The following NACC1 variants were observed in gnomAD, a reference collection of about 807,000 sequenced individuals.
The protein encoded by NACC1 is nucleus accumbens-associated protein 1.
A neutral mutation model predicts 41.7 loss-of-function variants in NACC1; 6 were observed. The ratio of observed to expected loss-of-function variants is 0.14; its 90% confidence interval spans 0.08 to 0.28. The LOEUF (loss-of-function observed/expected upper bound fraction) is 0.28. Ranked by LOEUF, NACC1 falls within the 10% of genes least tolerant of loss-of-function variation. NACC1 has a pLI of 1.00. For synonymous variants in NACC1, 338 were observed against 330.6 expected (o/e 1.02, Z -0.24); for missense variants, 434 against 763.7 (o/e 0.57, Z 5.09).
intron 1 of NACC1, among the ~76,000 whole-genome samples, chr19:13,122,855 G>T (rs1382199300): frequency 6.6e-6 from 1 of 152,172 alleles, no homozygotes; most frequent in East Asian, 1.9e-4. Context: ...GGGGCCAGGG[G>T]ATACGACTAA....
chr19:13,119,232 G>GC (rs1347258439), intron 1 of NACC1, among the ~76,000 whole-genome samples: 6 of 151,980 alleles, frequency 3.9e-5, no homozygotes, highest in South Asian at 4.2e-4. Flanking sequence ...ACTAAGATGC[G>GC]CCCCCCACCG....
intron 1 of NACC1, among the ~76,000 whole-genome samples, chr19:13,119,723 C>T (rs1217499686): frequency 1.3e-5 from 2 of 152,194 alleles, no homozygotes; most frequent in Non-Finnish European, 2.9e-5. Flanking sequence ...GGGGTGAAGG[C>T]AGGGCACAGA....
rs947019220 is a variant in NACC1 at position 13,118,433 on chromosome 19, C to G, written c.-30C>G. On this transcript the variant is annotated 5_prime_UTR_variant, in exon 1 of 6. Coordinates refer to ENST00000292431, the MANE Select transcript of NACC1 (RefSeq NM_052876.4). ...CCGCTGCGGAGCCCGCCGGGACCCC[C>G]CGGAGCGCGGCCACGGCGCAGGTGA... 1 of 149,476 alleles carries G rather than the reference C, an allele frequency of 6.7e-6. No individual in the cohort carries two copies. Among genetic ancestry groups the G allele is most frequent in the African/African-American group, 2.4e-5 (1 of 41,114 alleles). The allele number at this position is 149,476 out of a possible 1,614,324, so 9.3% of individuals were successfully genotyped here.
rs768764015 is a variant in NACC1, at chr19:13,138,142, C to T, written c.1325-5C>T. 4 of 1,613,032 alleles carry T rather than the reference C, an allele frequency of 2.5e-6. No individual in the cohort carries two copies. The highest frequency in any genetic ancestry group is 3.4e-6 in the Non-Finnish European group (4 of 1,179,126). On this transcript the variant is annotated splice_polypyrimidine_tract_variant and splice_region_variant and intron_variant, in intron 5 of 5. Coordinates refer to ENST00000292431, the MANE Select transcript of NACC1 (RefSeq NM_052876.4). This position sits in a 1 kb window ranked among gnomAD's most constrained non-coding sequence, Gnocchi z 5.7. Reference sequence around the variant, plus strand: ...TGCCAAGGCCGCACCCACCCTGCCCCACAGACTACTGCCAGAACTTCGCCC... The same window carrying T: ...TGCCAAGGCCGCACCCACCCTGCCCTACAGACTACTGCCAGAACTTCGCCC...
intron 1 of NACC1, among the ~76,000 whole-genome samples, chr19:13,133,289 C>T (rs977042067): frequency 7.9e-5 from 12 of 151,676 alleles, no homozygotes; most frequent in South Asian, 4.2e-4. Flanking sequence ...CAGAGGAGGC[C>T]GGGCGTGATA....
chr19:13,125,639 C>T (rs1001066191), intron 1 of NACC1, among the ~76,000 whole-genome samples: 29 of 152,096 alleles, frequency 1.9e-4, no homozygotes, highest in Admixed American at 4.6e-4. Flanking sequence ...AGGCTGATCT[C>T]GAACTCCTGA....
Position 13,135,585 on chromosome 19 carries a change from G to T in NACC1, c.378G>T (p.Pro126=). 3 of 1,597,852 alleles carry T rather than the reference G, an allele frequency of 1.9e-6. No homozygotes were observed. The highest frequency in any genetic ancestry group is 2.7e-5 in the African/African-American group (2 of 74,730). Residue 126 remains proline (P), a synonymous_variant, in exon 2 of 6, where the codon CCG becomes CCT. Coordinates refer to ENST00000292431, the MANE Select transcript of NACC1 (RefSeq NM_052876.4). ...AGTTCTTCCTCAAGGTGAGCTCCCC[G>T]AGCTGCGACTCCCAGGGCCTGCATG... ...GTEFFLKVSS[P]SCDSQGLHAE...
intron 1 of NACC1, among the ~76,000 whole-genome samples, chr19:13,132,623 AGTT>A (rs1323830086): frequency 1.6e-4 from 25 of 152,012 alleles, no homozygotes; most frequent in Admixed American, 1.6e-3. Flanking sequence ...AGCTCATAGA[AGTT>A]GTGAGTTGGT....
At position 13,138,371 on chromosome 19, in the gene NACC1, G is replaced by A. The variant is rs1010424706; in HGVS notation, c.1549G>A (p.Gly517Ser). The change falls in exon 6 of 6, where the codon GGC (glycine) becomes AGC (serine). Residue 517 changes from glycine to serine, a missense_variant. Transcript: ENST00000292431. The surrounding 1 kb of genome is among the most constrained non-coding windows in gnomAD (Gnocchi z 5.7). ...EHGFETASHE[G>S]EAGPSAEALQ ...TGGCTTCGAGACCGCCAGCCACGAG[G>A]GCGAGGCGGGTCCCTCGGCTGAAGC... 1 of 1,613,034 alleles carries A rather than the reference G, an allele frequency of 6.2e-7. No homozygotes were observed. The highest frequency in any genetic ancestry group is 1.7e-5 in the Admixed American group (1 of 60,020).
chr19:13,134,848 G>T (rs892121160), intron 1 of NACC1, among the ~76,000 whole-genome samples: 1 of 152,192 alleles, frequency 6.6e-6, no homozygotes, highest in Non-Finnish European at 1.5e-5. Context: ...GCACTCAGAG[G>T]TAGCACACTG....
chr19:13,133,036 C>G (rs1227054013), intron 1 of NACC1, among the ~76,000 whole-genome samples: 1 of 152,198 alleles, frequency 6.6e-6, no homozygotes, highest in East Asian at 1.9e-4. Flanking sequence ...CCACTGTATT[C>G]TCAGTGCCCA....
intron 1 of NACC1, among the ~76,000 whole-genome samples, chr19:13,120,983 A>G (rs2019483358): frequency 6.6e-6 from 1 of 152,212 alleles, no homozygotes; most frequent in Admixed American, 6.5e-5. Flanking sequence ...CTGGGGAAGC[A>G]TCCCGGAGTA....
chr19:13,124,299 C>T (rs954198716), intron 1 of NACC1, among the ~76,000 whole-genome samples: 11 of 152,050 alleles, frequency 7.2e-5, no homozygotes, highest in Admixed American at 4.6e-4. Flanking sequence ...ACTCAGGAGG[C>T]GGAGGCACGA....
At position 13,138,451 on chromosome 19, in the gene NACC1, A is replaced by G. The variant is rs924540359; in HGVS notation, c.*45A>G. On this transcript the variant is annotated 3_prime_UTR_variant, in exon 6 of 6. Transcript: ENST00000292431. The surrounding 1 kb of genome is among the most constrained non-coding windows in gnomAD (Gnocchi z 5.7). ...GGCCACACACTTCCCCTCCCAACACACACACACACCTGCCATCTTGGTCAT... is the reference window on the plus strand; with the variant it reads ...GGCCACACACTTCCCCTCCCAACACGCACACACACCTGCCATCTTGGTCAT... 13 of 1,590,784 alleles carry G rather than the reference A, an allele frequency of 8.2e-6. No individual in the cohort carries two copies. Among genetic ancestry groups the G allele is most frequent in the Non-Finnish European group, 1.1e-5 (13 of 1,172,852 alleles).
rs757105655 is a variant in NACC1, at chr19:13,138,116, G to C, written c.1325-31G>C. The C allele has an allele frequency of 1.9e-6, 3 of 1,606,184 alleles. No individual in the cohort carries two copies. The highest frequency in any genetic ancestry group is 2.6e-6 in the Non-Finnish European group (3 of 1,174,688). ...GCCTTGTGGGAGTCACCTGGCCCCC[G>C]TGCCAAGGCCGCACCCACCCTGCCC... On this transcript the variant is annotated intron_variant, in intron 5 of 5. Transcript: ENST00000292431. The surrounding 1 kb of genome is among the most constrained non-coding windows in gnomAD (Gnocchi z 5.7).
At chr19:13,133,688 G>A (rs990464101) in intron 1 of NACC1, among the ~76,000 whole-genome samples, 2 of 152,182 alleles carry the variant, frequency 1.3e-5, no homozygotes, top group African/African-American at 4.8e-5. Flanking sequence ...TGGACGTTTG[G>A]ATTGTTTCCA....
intron 1 of NACC1, among the ~76,000 whole-genome samples, chr19:13,130,337 C>T (rs1161964384): frequency 6.6e-6 from 1 of 152,258 alleles, no homozygotes; most frequent in East Asian, 1.9e-4. Flanking sequence ...TTCTGCCTCT[C>T]AGAGTGCTGT....
intron 1 of NACC1, among the ~76,000 whole-genome samples, chr19:13,130,186 C>T (rs2019616632): frequency 6.6e-6 from 1 of 152,142 alleles, no homozygotes; most frequent in East Asian, 1.9e-4. Context: ...AAGTGATCCT[C>T]CCACCTGAGC....
chr19:13,125,695 C>G (rs1365534599), intron 1 of NACC1, among the ~76,000 whole-genome samples: 1 of 152,114 alleles, frequency 6.6e-6, no homozygotes, highest in Non-Finnish European at 1.5e-5. Flanking sequence ...GCTGGGATTA[C>G]AGGCGTGAGC....
Sources: gnomAD v4.1 joint callset for allele counts (sites outside exome capture counted in the v4.1 genomes callset) on GRCh38, gnomAD v4.1.1 for gene constraint, Gnocchi (gnomAD v3.1) non-coding constraint, MANE v1.5 for transcripts, NCBI Gene and HGNC (gene_info 2026-07-23, HGNC 2026-07-21) for gene names.